The following SLIT3 variants were observed in gnomAD, a reference collection of about 807,000 sequenced individuals.
The protein encoded by SLIT3 is slit guidance ligand 3.
SLIT3 carries 68 observed loss-of-function variants against 184.0 expected under a neutral mutation model. The observed-to-expected ratio is 0.37, with a 90% CI of 0.30 to 0.45. The LOEUF is 0.45. SLIT3 is among the 20% of genes least tolerant of loss of function. The pLI is 1.00. For synonymous variants in SLIT3, 831 were observed against 828.6 expected (o/e 1.00, Z -0.05); for missense variants, 1,707 against 2,026.0 (o/e 0.84, Z 3.02).
intron 4 of SLIT3, among the ~76,000 whole-genome samples, chr5:169,014,875 C>T (rs907268285): frequency 2.0e-5 from 3 of 152,102 alleles, no homozygotes; most frequent in Admixed American, 2.0e-4. Context: ...TACTTGAACT[C>T]GGGAGGCAGA....
At chr5:168,933,535 C>T (rs1762063115) in intron 4 of SLIT3, among the ~76,000 whole-genome samples, 1 of 149,478 alleles carries the variant, frequency 6.7e-6, no homozygotes, top group East Asian at 2.0e-4. Context: ...AACAAGACTC[C>T]ATCTCAAAAC....
chr5:169,263,815 G>A (rs542177570), intron 1 of SLIT3: 26 of 375,456 alleles, frequency 6.9e-5, no homozygotes, highest in African/African-American at 3.8e-4. Flanking sequence ...CTTTCATCAC[G>A]TTGCCTTGCT....
chr5:169,300,034 C>T lies in SLIT3; in HGVS notation c.197+479G>A, dbSNP rs1433097842. On this transcript the variant is annotated intron_variant, in intron 1 of 35. Coordinates refer to ENST00000519560, the MANE Select transcript of SLIT3 (RefSeq NM_003062.4). This position sits in a 1 kb window ranked among gnomAD's most constrained non-coding sequence, Gnocchi z 4.1. ...ACACTCTCAACTTTCCTTGCAAGGG[C>T]AGCCAGAGAGCGGCTGGCCCATTCT... Among the ~76,000 whole-genome samples the T allele has an allele frequency of 1.3e-5, 2 of 152,238 alleles. No individual in the cohort carries two copies. Among genetic ancestry groups the T allele is most frequent in the African/African-American group, 4.8e-5 (2 of 41,458 alleles).
At chr5:168,837,543 C>T (rs1301678858) in intron 6 of SLIT3, among the ~76,000 whole-genome samples, 1 of 152,148 alleles carries the variant, frequency 6.6e-6, no homozygotes, top group African/African-American at 2.4e-5. Context: ...TAAAATGATT[C>T]CAGGACAACC....
At chr5:169,116,268 G>A (rs2113274787) in intron 4 of SLIT3, among the ~76,000 whole-genome samples, 1 of 152,324 alleles carries the variant, frequency 6.6e-6, no homozygotes, top group East Asian at 1.9e-4. Context: ...AGAGAGGTGA[G>A]CAGACAGGTG....
chr5:169,071,617 C>T (rs949074545), intron 4 of SLIT3, among the ~76,000 whole-genome samples: 2 of 152,170 alleles, frequency 1.3e-5, no homozygotes, highest in African/African-American at 4.8e-5. Context: ...CCCAGCAATG[C>T]CAGCCTCCAC....
intron 1 of SLIT3, among the ~76,000 whole-genome samples, chr5:169,259,473 A>T (rs2113610589): frequency 6.6e-6 from 1 of 152,326 alleles, no homozygotes. Flanking sequence ...AAAGATGTTC[A>T]TCTGTGATAG....
At chr5:169,229,246 G>C in intron 3 of SLIT3, among the ~76,000 whole-genome samples, 1 of 152,004 alleles carries the variant, frequency 6.6e-6, no homozygotes, top group East Asian at 1.9e-4. Flanking sequence ...CAAAAAAATG[G>C]AATCTAAAGA....
At chr5:169,156,354 T>C (rs938230833) in intron 4 of SLIT3, among the ~76,000 whole-genome samples, 1 of 152,240 alleles carries the variant, frequency 6.6e-6, no homozygotes, top group African/African-American at 2.4e-5. Flanking sequence ...AGTAACATCC[T>C]CTTTAATGCC....
chr5:168,675,084 C>T (rs1247546825), intron 32 of SLIT3, among the ~76,000 whole-genome samples: 1 of 152,144 alleles, frequency 6.6e-6, no homozygotes, highest in East Asian at 1.9e-4. Flanking sequence ...AGCGCTCCAC[C>T]CTCGGCGGGG....
At chr5:169,108,532 T>C (rs942533621) in intron 4 of SLIT3, among the ~76,000 whole-genome samples, 4 of 152,162 alleles carry the variant, frequency 2.6e-5, no homozygotes, top group Non-Finnish European at 4.4e-5. Context: ...GGCTCAATTG[T>C]TGTAAGGGTG....
At position 169,245,175 on chromosome 5, in the gene SLIT3, C is replaced by T. The variant is rs1765544086; in HGVS notation, c.270-399G>A. 1.3e-5 allele frequency among the ~76,000 whole-genome samples: 2 copies of T among 152,146 alleles called. 1 individual carries two copies. The highest frequency in any genetic ancestry group is 4.1e-4 in the South Asian group (2 of 4,822). ...AAAATACTTCATTGAAAAGGGCCTT[C>T]CCAGCTCACCCTAGTAGAAAGGGTG... On this transcript the variant is annotated intron_variant, in intron 2 of 35. Transcript: ENST00000519560.
chr5:168,924,400 CCTT>C (rs1458304300), intron 4 of SLIT3, among the ~76,000 whole-genome samples: 1 of 152,150 alleles, frequency 6.6e-6, no homozygotes, highest in African/African-American at 2.4e-5. Flanking sequence ...CCTCTCAAAC[CCTT>C]CTTTTAGGAA....
chr5:168,775,558 C>T (rs765607319), intron 12 of SLIT3, among the ~76,000 whole-genome samples: 16 of 152,132 alleles, frequency 1.1e-4, no homozygotes, highest in African/African-American at 1.9e-4. Flanking sequence ...TGGCACTCAT[C>T]GCAATTTGTG....
At chr5:168,861,163 T>G (rs1409654389) in intron 5 of SLIT3, among the ~76,000 whole-genome samples, 1 of 152,210 alleles carries the variant, frequency 6.6e-6, no homozygotes, top group Non-Finnish European at 1.5e-5. Context: ...ACGTGCAGGT[T>G]TGTTACATAT....
At chr5:169,058,835 T>A (rs972426885) in intron 4 of SLIT3, among the ~76,000 whole-genome samples, 3 of 152,248 alleles carry the variant, frequency 2.0e-5, no homozygotes, top group African/African-American at 7.2e-5. Context: ...AAGAATAAGA[T>A]GCCTCAGGTT....
chr5:169,268,590 G>C (rs1766483474), intron 1 of SLIT3, among the ~76,000 whole-genome samples: 2 of 152,310 alleles, frequency 1.3e-5, no homozygotes, highest in Admixed American at 6.5e-5. Context: ...ATATCCATGA[G>C]AGAAGGCAAC....
intron 4 of SLIT3, among the ~76,000 whole-genome samples, chr5:169,002,353 A>G (rs1755741723): frequency 1.4e-5 from 2 of 147,364 alleles, no homozygotes; most frequent in East Asian, 1.9e-4. Context: ...AAAAAAAAAA[A>G]AAGAAAAAAA....
At chr5:169,064,717 T>C (rs1758289025) in intron 4 of SLIT3, among the ~76,000 whole-genome samples, 1 of 152,204 alleles carries the variant, frequency 6.6e-6, no homozygotes, top group South Asian at 2.1e-4. Flanking sequence ...GCATCTTCTG[T>C]CCCGAGACAC....
Sources: allele counts gnomAD v4.1 joint callset (sites outside exome capture counted in the v4.1 genomes callset), GRCh38; gene constraint gnomAD v4.1.1; non-coding constraint Gnocchi (gnomAD v3.1); transcripts MANE v1.5; gene names NCBI Gene and HGNC (gene_info 2026-07-23, HGNC 2026-07-21).